Variants in ISM2 observed in about 807,000 individuals in gnomAD.
ISM2 encodes the protein isthmin-2.
Under a neutral mutation model 58.0 loss-of-function variants are expected in ISM2, and 50 were observed. That is an observed-to-expected ratio of 0.86 (90% CI 0.69 to 1.09). The LOEUF is 1.09. Ranked by LOEUF, ISM2 falls within the 50% of genes least tolerant of loss-of-function variation. ISM2 has a pLI of 0.00. For synonymous variants in ISM2, 303 were observed against 312.4 expected, an observed-to-expected ratio of 0.97 and a Z score of 0.32; for missense variants, 723 against 745.0, an observed-to-expected ratio of 0.97 and a Z score of 0.34.
chr14:77,495,653 G>A (rs1209381970), intron 1 of ISM2, among the ~76,000 whole-genome samples: 2 of 152,090 alleles, frequency 1.3e-5, no homozygotes, highest in African/African-American at 4.8e-5. Flanking sequence ...CTCGTGAGGC[G>A]GCAAGTGCTA....
chr14:77,493,329 T>C (rs1402181080), intron 1 of ISM2, among the ~76,000 whole-genome samples: 2 of 152,096 alleles, frequency 1.3e-5, no homozygotes, highest in African/African-American at 2.4e-5. Context: ...TCACCATCCA[T>C]GTGTCTGGTG....
chr14:77,486,993 G>A (rs1235193276), intron 1 of ISM2, among the ~76,000 whole-genome samples: 1 of 151,882 alleles, frequency 6.6e-6, no homozygotes, highest in East Asian at 1.9e-4. Context: ...TGTAATCCTA[G>A]CACTTTGGGA....
At chr14:77,489,594 C>T (rs2079188644) in intron 1 of ISM2, among the ~76,000 whole-genome samples, 1 of 151,932 alleles carries the variant, frequency 6.6e-6, no homozygotes, top group Non-Finnish European at 1.5e-5. Flanking sequence ...CCCAGACTGG[C>T]CTCGATATTC....
In ISM2 at chr14:77,475,873, G is replaced by T; in HGVS notation, c.1438C>A (p.Leu480Met). 1 of 1,607,280 alleles carries T rather than the reference G, an allele frequency of 6.2e-7. No homozygotes were observed. The highest frequency in any genetic ancestry group is 8.5e-7 in the Non-Finnish European group (1 of 1,179,910). The stretch of plus-strand genomic sequence containing the variant: ...GCCAGTGTGCTGCTCTCCCCAGACA[G>T]CATGGAACGCAGGCAGAAGCGCGCC... ...PTARFCLRSM[L>M]SGESSTLAAQ... The change falls in exon 7 of 7, where the codon CTG becomes ATG. Residue 480 changes from leucine to methionine, a missense_variant. Leu to Met is a conservative substitution (Grantham distance 15). Coordinates refer to ENST00000342219, the MANE Select transcript of ISM2 (RefSeq NM_199296.3). The surrounding 1 kb of genome is among the most constrained non-coding windows in gnomAD (Gnocchi z 4.1).
At chr14:77,489,991 T>C (rs575787537) in intron 1 of ISM2, among the ~76,000 whole-genome samples, 2 of 152,314 alleles carry the variant, frequency 1.3e-5, no homozygotes, top group African/African-American at 4.8e-5. Context: ...AGCCTCCCAA[T>C]TAGCTGGGAC....
At chr14:77,491,982 C>T (rs1183817446) in intron 1 of ISM2, among the ~76,000 whole-genome samples, 3 of 151,590 alleles carry the variant, frequency 2.0e-5, no homozygotes, top group Non-Finnish European at 4.4e-5. Flanking sequence ...AGGCGTGAGC[C>T]ACCGCCCAGC....
chr14:77,478,824 C>T (rs1241341039), intron 4 of ISM2, 109 bp from the exon 5 acceptor site: 4 of 1,139,736 alleles, frequency 3.5e-6, no homozygotes, highest in Middle Eastern at 2.3e-4. Flanking sequence ...CATGCCAGGG[C>T]TTCCAGCCTC....
chr14:77,498,496 C>G, intron 1 of ISM2, 157 bp downstream of exon 1: 1 of 1,235,968 alleles, frequency 8.1e-7, no homozygotes, highest in Non-Finnish European at 1.1e-6. Context: ...GGGCAACGCC[C>G]GGTGTCCGGG....
chr14:77,476,396 G>T (rs1365695589), intron 6 of ISM2, among the ~76,000 whole-genome samples: 1 of 152,254 alleles, frequency 6.6e-6, no homozygotes, highest in Non-Finnish European at 1.5e-5. Flanking sequence ...TGGTGGGAAA[G>T]GTTTAGGTGT....
chr14:77,476,431 C>G (rs1039190094), intron 6 of ISM2, among the ~76,000 whole-genome samples: 8 of 152,208 alleles, frequency 5.3e-5, no homozygotes, highest in African/African-American at 1.7e-4. Flanking sequence ...TGGGAAAGAT[C>G]CTGAGATCTT....
chr14:77,477,129 T>C (rs2079103378), intron 6 of ISM2, among the ~76,000 whole-genome samples: 1 of 152,060 alleles, frequency 6.6e-6, no homozygotes, highest in Non-Finnish European at 1.5e-5. Flanking sequence ...ACCAGAGCCC[T>C]GCAGCGAGCA....
At chr14:77,476,175 G>A (rs1266731635) in intron 6 of ISM2, 63 bp from the exon 7 acceptor site, 4 of 1,486,506 alleles carry the variant, frequency 2.7e-6, no homozygotes, top group Non-Finnish European at 3.6e-6. Flanking sequence ...TGTGGGGCGG[G>A]GACTGATTAA....
intron 1 of ISM2, among the ~76,000 whole-genome samples, chr14:77,491,444 A>G (rs2079203304): frequency 6.6e-6 from 1 of 152,224 alleles, no homozygotes; most frequent in South Asian, 2.1e-4. Flanking sequence ...GCTGGAGTGC[A>G]GTGGCATGAC....
rs551255963 is a variant in ISM2 at position 77,489,598 on chromosome 14, G to A, written c.142-4679C>T. Reference sequence around the variant, plus strand: ...TTGCTATGTTGCCCAGACTGGCCTCGATATTCCTGGGCTCAAATAATCCTC... The same window carrying A: ...TTGCTATGTTGCCCAGACTGGCCTCAATATTCCTGGGCTCAAATAATCCTC... On this transcript the variant is annotated intron_variant, in intron 1 of 6. Transcript: ENST00000342219. Among the ~76,000 whole-genome samples the A allele has an allele frequency of 3.3e-5, 5 of 151,926 alleles. No homozygotes were observed. The South Asian group carries it at 1.0e-3, about 32-fold the overall frequency.
In ISM2 at chr14:77,482,366, C is replaced by G; in HGVS notation, c.929G>C (p.Trp310Ser). ...GAAGACCCAATCCCCGGGGGCCAGC[C>G]AGCCCTGGTCCCAGTTGTCTGTAGT... ...NGTTDNWDQG[W>S]LAPGDWVFKD... Residue 310 changes from tryptophan to serine, a missense_variant, in exon 4 of 7, where the codon TGG (tryptophan) becomes TCG (serine). Transcript: ENST00000342219. 1 of 1,614,112 alleles carries G rather than the reference C, an allele frequency of 6.2e-7. No individual in the cohort carries two copies. The highest frequency in any genetic ancestry group is 2.2e-5 in the East Asian group (1 of 44,876).
chr14:77,477,325 T>C (rs537579949), intron 6 of ISM2, among the ~76,000 whole-genome samples: 46 of 152,298 alleles, frequency 3.0e-4, no homozygotes, highest in Admixed American at 2.7e-3. Flanking sequence ...TGGGATGAGC[T>C]GTCCAGCCCC....
At chr14:77,490,398 C>T (rs540505390) in intron 1 of ISM2, among the ~76,000 whole-genome samples, 45 of 8,836 alleles carry the variant, frequency 5.1e-3, no homozygotes, top group African/African-American at 7.8e-3. Context: ...AAGAACGGAG[C>T]CAGTCTTGCC....
intron 6 of ISM2, among the ~76,000 whole-genome samples, chr14:77,477,245 A>T (rs915119197): frequency 9.2e-5 from 14 of 152,302 alleles, no homozygotes; most frequent in Non-Finnish European, 1.9e-4. Context: ...CTCACTCCCC[A>T]GAATCTGCCT....
chr14:77,475,929 G>T lies in ISM2; in HGVS notation c.1382C>A (p.Pro461His), dbSNP rs370579280. The T allele has an allele frequency of 2.3e-5, 36 of 1,599,798 alleles. No homozygotes were observed. The African/African-American group carries it at 4.0e-4, about 18-fold the overall frequency. ...RSFRWRDASG[P>H]RERLDIYQPT... is the part of the protein sequence containing the mutation. The stretch of plus-strand genomic sequence containing the variant: ...CTGGTAGATGTCCAGGCGCTCGCGA[G>T]GGCCACTGGCATCCCTCCACCGGAA... Residue 461 changes from proline to histidine, a missense_variant, in exon 7 of 7, where the codon CCT becomes CAT. Pro to His is a moderately conservative substitution (Grantham distance 77). Transcript: ENST00000342219. This position sits in a 1 kb window ranked among gnomAD's most constrained non-coding sequence, Gnocchi z 4.1.
Sources: gnomAD v4.1 joint callset for allele counts (sites outside exome capture counted in the v4.1 genomes callset) on GRCh38, gnomAD v4.1.1 for gene constraint, Gnocchi (gnomAD v3.1) non-coding constraint, MANE v1.5 for transcripts, NCBI Gene and HGNC (gene_info 2026-07-23, HGNC 2026-07-21) for gene names.